Variants in PITPNC1 observed in about 807,000 individuals in gnomAD.
The protein encoded by PITPNC1 is phosphatidylinositol transfer protein cytoplasmic 1, also known as cytoplasmic phosphatidylinositol transfer protein 1.
Under a neutral mutation model 44.7 loss-of-function variants are expected in PITPNC1, and 18 were observed. The observed-to-expected ratio is 0.40, with a 90% CI of 0.28 to 0.60. PITPNC1 has a LOEUF of 0.60. Among genes scored for constraint, PITPNC1 ranks in the 20% least tolerant of loss-of-function variants. PITPNC1 has a pLI of 0.39. For synonymous variants in PITPNC1, 141 were observed against 149.6 expected (o/e 0.94, Z 0.42); for missense variants, 290 against 418.4 (o/e 0.69, Z 2.68).
At chr17:67,399,076 G>C (rs1225186944) in intron 1 of PITPNC1, among the ~76,000 whole-genome samples, 2 of 145,248 alleles carry the variant, frequency 1.4e-5, no homozygotes, top group Non-Finnish European at 3.0e-5. Context: ...GTGCAGTGGT[G>C]CGATCTCGGC....
intron 5 of PITPNC1, among the ~76,000 whole-genome samples, chr17:67,582,804 G>A (rs934104608): frequency 7.2e-5 from 11 of 152,196 alleles, no homozygotes; most frequent in African/African-American, 2.7e-4. Context: ...GCCAAGGTAA[G>A]GTTCCGTTGT....
chr17:67,413,424 T>TCTTTCTTTCTTTCTTTCTTC (rs2038537387), intron 1 of PITPNC1, among the ~76,000 whole-genome samples: 1 of 151,834 alleles, frequency 6.6e-6, no homozygotes, highest in African/African-American at 2.4e-5. Flanking sequence ...TTTCTTTCTT[T>TCTTTCTTTCTTTCTTTCTTC]CTTTCTTTTT....
chr17:67,478,561 C>T (rs1005044989), intron 1 of PITPNC1, among the ~76,000 whole-genome samples: 3 of 152,134 alleles, frequency 2.0e-5, no homozygotes, highest in Non-Finnish European at 4.4e-5. Flanking sequence ...TTTCCAAGCT[C>T]CCCTCTGCCA....
At chr17:67,407,796 GA>G (rs1030996064) in intron 1 of PITPNC1, among the ~76,000 whole-genome samples, 2 of 144,104 alleles carry the variant, frequency 1.4e-5, no homozygotes, top group African/African-American at 2.5e-5. Context: ...CTCTGTCTCG[GA>G]AAAAAAAAAG....
At chr17:67,469,609 G>A (rs1313540272) in intron 1 of PITPNC1, among the ~76,000 whole-genome samples, 2 of 152,138 alleles carry the variant, frequency 1.3e-5, no homozygotes, top group African/African-American at 4.8e-5. Context: ...ACCCGTGGGA[G>A]TTCAGGTGCG....
chr17:67,403,602 A>G (rs1044372661), intron 1 of PITPNC1, among the ~76,000 whole-genome samples: 2 of 152,260 alleles, frequency 1.3e-5, no homozygotes, highest in Non-Finnish European at 2.9e-5. Context: ...TGTGTTAATC[A>G]TCTCATTTCA....
At chr17:67,435,698 C>G (rs559702765) in intron 1 of PITPNC1, among the ~76,000 whole-genome samples, 1 of 152,088 alleles carries the variant, frequency 6.6e-6, no homozygotes, top group East Asian at 1.9e-4. Flanking sequence ...CTAAAAATAC[C>G]AAAATTAGGC....
In PITPNC1 at chr17:67,389,668, T is replaced by TTTG. The variant is rs141781886; in HGVS notation, c.48+11490_48+11492dup. ...ACATCTCAGTAAAGCTGTTTTTTGT[T>TTTG]TTGTTGTTGTTGTTGTTGTTGTTGT... On this transcript the variant is annotated intron_variant, in intron 1 of 8. Transcript: ENST00000581322. Among the ~76,000 whole-genome samples the TTTG allele has an allele frequency of 1.0e-3, 158 of 151,782 alleles. 1 individual carries two copies. The highest frequency in any genetic ancestry group is 9.9e-3 in the East Asian group (51 of 5,162).
chr17:67,585,395 CTG>C (rs2041300019), intron 5 of PITPNC1, among the ~76,000 whole-genome samples: 1 of 152,126 alleles, frequency 6.6e-6, no homozygotes, highest in African/African-American at 2.4e-5. Context: ...TAGAATGTGA[CTG>C]TGCATGGAGA....
intron 1 of PITPNC1, among the ~76,000 whole-genome samples, chr17:67,504,019 G>A (rs529214723): frequency 4.1e-4 from 62 of 152,192 alleles, no homozygotes; most frequent in African/African-American, 1.5e-3. Flanking sequence ...AAGTTTGGGG[G>A]CTGGCAGATA....
chr17:67,642,003 G>A (rs1267471269), intron 6 of PITPNC1, among the ~76,000 whole-genome samples: 1 of 152,060 alleles, frequency 6.6e-6, no homozygotes, highest in African/African-American at 2.4e-5. Context: ...TATGGGTTGA[G>A]ATTTTCCTAG....
At chr17:67,564,965 G>A (rs1342268962) in intron 4 of PITPNC1, among the ~76,000 whole-genome samples, 7 of 151,354 alleles carry the variant, frequency 4.6e-5, no homozygotes, top group Non-Finnish European at 8.8e-5. Context: ...GTTTTTCAGT[G>A]TGTATACTCG....
chr17:67,455,345 G>C (rs988036052), intron 1 of PITPNC1, among the ~76,000 whole-genome samples: 5 of 151,990 alleles, frequency 3.3e-5, no homozygotes, highest in Non-Finnish European at 5.9e-5. Context: ...CAATAACCTG[G>C]TACATACATG....
At chr17:67,586,882 T>C (rs973188379) in intron 5 of PITPNC1, among the ~76,000 whole-genome samples, 2 of 152,176 alleles carry the variant, frequency 1.3e-5, no homozygotes, top group Admixed American at 6.5e-5. Flanking sequence ...TGGTAGGCTA[T>C]TGGAATGATC....
intron 6 of PITPNC1, among the ~76,000 whole-genome samples, chr17:67,653,745 A>G (rs930237286): frequency 1.4e-4 from 22 of 152,142 alleles, no homozygotes; most frequent in African/African-American, 5.1e-4. Context: ...GACCATTTCA[A>G]CCAGGTAAAA....
At chr17:67,513,385 A>G (rs896371873) in intron 1 of PITPNC1, among the ~76,000 whole-genome samples, 43 of 148,482 alleles carry the variant, frequency 2.9e-4, no homozygotes, top group Non-Finnish European at 5.6e-4. Context: ...CTATATCTAT[A>G]TCTATATCTA....
At chr17:67,579,896 C>T (rs1437144198) in intron 5 of PITPNC1, among the ~76,000 whole-genome samples, 3 of 150,850 alleles carry the variant, frequency 2.0e-5, no homozygotes, top group Non-Finnish European at 2.9e-5. Context: ...GCGCAGATCG[C>T]GCCACTGCAC....
At chr17:67,436,373 T>C (rs1209738489) in intron 1 of PITPNC1, among the ~76,000 whole-genome samples, 3 of 152,064 alleles carry the variant, frequency 2.0e-5, no homozygotes, top group Non-Finnish European at 4.4e-5. Context: ...AATGGTCTTA[T>C]CTAAGCGACA....
intron 1 of PITPNC1, among the ~76,000 whole-genome samples, chr17:67,400,432 T>C (rs970736842): frequency 1.3e-5 from 2 of 152,218 alleles, no homozygotes; most frequent in African/African-American, 4.8e-5. Flanking sequence ...GGGAAGTCAT[T>C]TGCAAAACTA....
Sources: gnomAD v4.1 joint callset for allele counts (sites outside exome capture counted in the v4.1 genomes callset) on GRCh38, gnomAD v4.1.1 for gene constraint, MANE v1.5 for transcripts, NCBI Gene and HGNC (gene_info 2026-07-23, HGNC 2026-07-21) for gene names.